The following FCRL2 variants were observed in gnomAD, a reference collection of about 807,000 sequenced individuals.
The protein encoded by FCRL2 is Fc receptor like 2.
In FCRL2, 48 loss-of-function variants were observed where a neutral mutation model predicts 59.8. That is an observed-to-expected ratio of 0.80 (90% CI 0.64 to 1.02). The LOEUF is 1.02. Among genes scored for constraint, FCRL2 ranks in the 50% least tolerant of loss-of-function variants. The pLI, the probability that FCRL2 is intolerant of heterozygous loss-of-function variation, is 0.00. For synonymous variants in FCRL2, 251 were observed against 229.5 expected, an observed-to-expected ratio of 1.09 and a Z score of -0.85; for missense variants, 658 against 597.3, an observed-to-expected ratio of 1.10 and a Z score of -1.06.
At chr1:157,771,528 A>G (rs7543979) in intron 2 of FCRL2, among the ~76,000 whole-genome samples, 1 of 152,074 alleles carries the variant, frequency 6.6e-6, no homozygotes, top group African/African-American at 2.4e-5. Context: ...TTTCTCATCC[A>G]TTCAGTGAAG....
chr1:157,755,695 G>A (rs1648533694), intron 7 of FCRL2, among the ~76,000 whole-genome samples: 1 of 152,104 alleles, frequency 6.6e-6, no homozygotes, highest in Non-Finnish European at 1.5e-5. Flanking sequence ...TTAAAAAGAT[G>A]TTACAGTTCT....
intron 7 of FCRL2, among the ~76,000 whole-genome samples, chr1:157,759,834 A>T (rs1430054557): frequency 6.6e-6 from 1 of 152,230 alleles, no homozygotes; most frequent in East Asian, 1.9e-4. Context: ...CAATTAACAC[A>T]TTGTTGGTGG....
chr1:157,750,930 A>G (rs1648136692), intron 7 of FCRL2, among the ~76,000 whole-genome samples: 3 of 152,222 alleles, frequency 2.0e-5, no homozygotes, highest in Admixed American at 2.0e-4. Context: ...AAATATTCCA[A>G]AAATCGACAT....
At position 157,768,607 on chromosome 1, in the gene FCRL2, C is replaced by A. The variant is rs772195391; in HGVS notation, c.690G>T (p.Gly230=). The change falls in exon 5 of 12, where the codon GGG becomes GGT. Residue 230 remains glycine, a synonymous_variant. Coordinates refer to ENST00000361516, the MANE Select transcript of FCRL2 (RefSeq NM_030764.4). The part of the protein sequence containing the change: ...QKLILLCSVA[G]GTGNVTFSWY... ...AGGAGAATGTGACATTTCCTGTACC[C>A]CCAGCCACTGAGCAGAGCAGGATCA... The A allele has an allele frequency of 6.2e-7, 1 of 1,614,174 alleles. No individual in the cohort carries two copies. The highest frequency in any genetic ancestry group is 8.5e-7 in the Non-Finnish European group (1 of 1,180,026).
At chr1:157,775,683 C>T (rs938354493) in intron 2 of FCRL2, 92 bp downstream of exon 2, 9 of 1,427,370 alleles carry the variant, frequency 6.3e-6, no homozygotes, top group Middle Eastern at 3.5e-4. Flanking sequence ...GACATCTTCA[C>T]AGGCTTTCCA....
intron 7 of FCRL2, among the ~76,000 whole-genome samples, chr1:157,757,309 C>T (rs761184665): frequency 2.0e-5 from 3 of 152,052 alleles, no homozygotes; most frequent in African/African-American, 4.8e-5. Context: ...GGAAATGGAA[C>T]CTTTACAGAA....
intron 10 of FCRL2, among the ~76,000 whole-genome samples, chr1:157,747,553 A>G (rs1407563308): frequency 6.6e-6 from 1 of 152,244 alleles, no homozygotes; most frequent in East Asian, 1.9e-4. Context: ...CAAGGCAGAC[A>G]GAGGACCCAC....
At chr1:157,758,332 CA>C (rs1229851243) in intron 7 of FCRL2, among the ~76,000 whole-genome samples, 1 of 152,040 alleles carries the variant, frequency 6.6e-6, no homozygotes, top group African/African-American at 2.4e-5. Flanking sequence ...TTACTTAGAT[CA>C]TCTGTTTAAA....
At chr1:157,769,642 T>C (rs1375814932) in intron 4 of FCRL2, 1 of 446,940 alleles carries the variant, frequency 2.2e-6, no homozygotes, top group East Asian at 4.1e-5. Context: ...TTAGCCAGGA[T>C]GGTCTCTATC....
At chr1:157,760,444 GA>G (rs1289576567) in intron 7 of FCRL2, among the ~76,000 whole-genome samples, 2 of 151,292 alleles carry the variant, frequency 1.3e-5, no homozygotes, top group African/African-American at 4.9e-5. Context: ...TCAACATGGT[GA>G]AATGCTATCT....
chr1:157,770,381 G>T, intron 3 of FCRL2, 28 bp downstream of exon 3: 1 of 1,573,152 alleles, frequency 6.4e-7, no homozygotes, highest in Non-Finnish European at 8.6e-7. Flanking sequence ...CTCTCACCCA[G>T]CCCATCCCAC....
At chr1:157,759,229 T>C (rs1324470307) in intron 7 of FCRL2, among the ~76,000 whole-genome samples, 12 of 152,230 alleles carry the variant, frequency 7.9e-5, no homozygotes, top group Admixed American at 4.6e-4. Context: ...ATTGTAAGTT[T>C]CCTGAGGCCT....
In FCRL2 at chr1:157,775,952, G is replaced by A. The variant is rs146569073; in HGVS notation, c.32-157C>T. On this transcript the variant is annotated intron_variant, in intron 1 of 11. Transcript: ENST00000361516. ...TATTACTAACAATTCAATCTCCCTC[G>A]AGCACACATCTAACTGTCATTCATT... is the stretch of plus-strand genomic sequence containing the variant. Among the ~76,000 whole-genome samples, 860 of 151,824 alleles carry A rather than the reference G, an allele frequency of 5.7e-3. 11 individuals carry two copies. The highest frequency in any genetic ancestry group is 0.02 in the African/African-American group (816 of 41,372).
rs531793494 is a variant in FCRL2, at chr1:157,748,487, A to G, written c.1459+66T>C. ...AAATAAATAAATAAATAAAGCCTCT[A>G]TTGCAAACAATGCATCACTTTCCTG... On this transcript the variant is annotated intron_variant, in intron 10 of 11. Transcript: ENST00000361516. 3 of 878,464 alleles carry G rather than the reference A, an allele frequency of 3.4e-6. No homozygotes were observed. The African/African-American group carries it at 5.1e-5, about 15-fold the overall frequency. 54.4% of individuals were successfully genotyped at this position (878,464 alleles called of 1,614,324 possible). A position where few individuals can be genotyped will look rare whatever the true frequency, so the allele number is the denominator to read the frequency against.
Position 157,746,732 on chromosome 1 carries a change from A to G in FCRL2, c.*4T>C, listed in dbSNP as rs749258455. On this transcript the variant is annotated 3_prime_UTR_variant, in exon 12 of 12. Transcript: ENST00000361516. ...TTGATCTTCCCTTCTGATTCCTCCA[A>G]GTGTTATGATTTCTTCACAGAAGAG... 4.1e-5 allele frequency: 66 copies of G among 1,613,346 alleles called. No individual in the cohort carries two copies. In the South Asian group the frequency reaches 5.6e-4, roughly 14 times the overall value.
At chr1:157,765,948 A>G (rs940235405) in intron 7 of FCRL2, among the ~76,000 whole-genome samples, 3 of 152,186 alleles carry the variant, frequency 2.0e-5, no homozygotes, top group Admixed American at 2.0e-4. Flanking sequence ...TAAGGTCATC[A>G]TGCTGTGAGG....
chr1:157,748,417 C>G (rs1181580560), intron 10 of FCRL2, 136 bp downstream of exon 10: 2 of 352,142 alleles, frequency 5.7e-6, no homozygotes, highest in Admixed American at 5.3e-5. Flanking sequence ...AGCAAGGCTC[C>G]TCAAAAGTAG....
At chr1:157,760,690 A>AGAAGGAAGGAAG (rs1220342026) in intron 7 of FCRL2, among the ~76,000 whole-genome samples, 1 of 112,880 alleles carries the variant, frequency 8.9e-6, no homozygotes, top group Non-Finnish European at 1.8e-5. Context: ...AAAGAAAGAA[A>AGAAGGAAGGAAG]GAAAGAAGGA....
At chr1:157,749,000 C>A in intron 8 of FCRL2, 40 bp from the exon 9 acceptor site, 1 of 1,559,062 alleles carries the variant, frequency 6.4e-7, no homozygotes, top group African/African-American at 1.4e-5. Flanking sequence ...ATCCCCAGGG[C>A]AGTGAGTGAG....
Sources: gnomAD v4.1 joint callset for allele counts (sites outside exome capture counted in the v4.1 genomes callset) on GRCh38, gnomAD v4.1.1 for gene constraint, MANE v1.5 for transcripts, NCBI Gene and HGNC (gene_info 2026-07-23, HGNC 2026-07-21) for gene names.